Variants in NKD1 observed in about 807,000 individuals in gnomAD.
NKD1 encodes the protein protein naked cuticle homolog 1.
A neutral mutation model predicts 56.0 loss-of-function variants in NKD1; 21 were observed. The observed-to-expected ratio is 0.38, with a 90% CI of 0.27 to 0.54. The LOEUF is 0.54. Ranked by LOEUF, NKD1 falls within the 20% of genes least tolerant of loss-of-function variation. The pLI, the probability that NKD1 is intolerant of heterozygous loss-of-function variation, is 0.82. For synonymous variants in NKD1, 263 were observed against 265.7 expected (o/e 0.99, Z 0.10); for missense variants, 578 against 642.7 (o/e 0.90, Z 1.09).
chr16:50,640,459 G>A lies in NKD1; in HGVS notation c.*6678G>A, dbSNP rs947248752. ...TGGTGCCTAGGCAGAGGGGCAGTCA[G>A]CAGTGGTTATCAGGATCCTGGCTCT... On this transcript the variant is annotated 3_prime_UTR_variant, in exon 10 of 10. Coordinates refer to ENST00000268459, the MANE Select transcript of NKD1 (RefSeq NM_033119.5). 2.6e-5 allele frequency: 4 copies of A among 152,294 alleles called. No homozygotes were observed. Among genetic ancestry groups the A allele is most frequent in the African/African-American group, 9.6e-5 (4 of 41,468 alleles). 9.4% of individuals were successfully genotyped at this position (152,294 alleles called of 1,614,324 possible).
rs1961764281 is a variant in NKD1, at chr16:50,608,341, G to A, written c.240G>A (p.Glu80=). The A allele has an allele frequency of 6.2e-7, 1 of 1,613,124 alleles. No homozygotes were observed. The highest frequency in any genetic ancestry group is 8.5e-7 in the Non-Finnish European group (1 of 1,179,488). Reference sequence around the variant, plus strand: ...GAGACACGCTCAGCGAGGAAGAGGAGGACGACTTTCGGCTGGAAGGTATTC... The same window carrying A: ...GAGACACGCTCAGCGAGGAAGAGGAAGACGACTTTCGGCTGGAAGGTATTC... ...VLRDTLSEEE[E]DDFRLEVALP... Residue 80 remains glutamate (E), a synonymous_variant, in exon 4 of 10, where the codon GAG becomes GAA. Transcript: ENST00000268459.
chr16:50,565,325 T>C (rs1259213068), intron 3 of NKD1, among the ~76,000 whole-genome samples: 1 of 150,086 alleles, frequency 6.7e-6, no homozygotes, highest in Non-Finnish European at 1.5e-5. Flanking sequence ...TGAGCTGAGA[T>C]TGCACCACTG....
chr16:50,628,938 C>T (rs868279470), intron 6 of NKD1, among the ~76,000 whole-genome samples: 3 of 150,594 alleles, frequency 2.0e-5, no homozygotes, highest in Admixed American at 6.6e-5. Context: ...GTGGAGAGAC[C>T]TCTTCTAGTG....
chr16:50,621,494 C>T (rs555593741), intron 4 of NKD1, 108 bp from the exon 5 acceptor site: 3 of 723,132 alleles, frequency 4.1e-6, no homozygotes, highest in East Asian at 5.6e-5. Context: ...GGGCCCAGCC[C>T]CCTGGCGAGA....
Position 50,632,969 on chromosome 16 carries a change from C to T in NKD1, c.824-223C>T, listed in dbSNP as rs1193554023. Among the ~76,000 whole-genome samples the T allele has an allele frequency of 3.3e-5, 5 of 152,266 alleles. No individual in the cohort carries two copies. The South Asian group carries it at 6.2e-4, about 19-fold the overall frequency. On this transcript the variant is annotated intron_variant, in intron 9 of 9. Coordinates refer to ENST00000268459, the MANE Select transcript of NKD1 (RefSeq NM_033119.5). The surrounding 1 kb of genome is among the most constrained non-coding windows in gnomAD (Gnocchi z 4.1). The stretch of plus-strand genomic sequence containing the variant: ...CCATCTGTCTTTCTCGGCTCCCTCT[C>T]GGAGAGTATTTTTGAAGACCTACCA...
rs980326357 is a variant in NKD1 at position 50,617,379 on chromosome 16, C to T, written c.260-4223C>T. On this transcript the variant is annotated intron_variant, in intron 4 of 9. Coordinates refer to ENST00000268459, the MANE Select transcript of NKD1 (RefSeq NM_033119.5). ...AAAGTCTGTTCAGGCTTTTGGCTAA[C>T]ACAACAAACAGTGTTTAAAATTTAA... Among the ~76,000 whole-genome samples, 3 of 152,166 alleles carry T rather than the reference C, an allele frequency of 2.0e-5. No homozygotes were observed. The East Asian group carries it at 5.8e-4, about 29-fold the overall frequency.
rs372202499 is a variant in NKD1, at chr16:50,619,690, T to C, written c.260-1912T>C. On this transcript the variant is annotated intron_variant, in intron 4 of 9. Transcript: ENST00000268459. ...CACTGGGGGTCTTAGCCCCTTATGA[T>C]CAGAGTTTGTTGGATCCACATAAGA... Among the ~76,000 whole-genome samples, 6 of 152,198 alleles carry C rather than the reference T, an allele frequency of 3.9e-5. No individual in the cohort carries two copies. The South Asian group carries it at 1.2e-3, about 31-fold the overall frequency.
chr16:50,567,607 C>G (rs922874798), intron 3 of NKD1, among the ~76,000 whole-genome samples: 4 of 152,190 alleles, frequency 2.6e-5, no homozygotes, highest in Non-Finnish European at 5.9e-5. Context: ...TCCTCCTTGG[C>G]CAAGGACAGG....
chr16:50,574,317 A>C, intron 3 of NKD1: 4 of 985,384 alleles, frequency 4.1e-6, no homozygotes, highest in Non-Finnish European at 3.6e-6. Flanking sequence ...GGTGTGAGTC[A>C]GAACTGGGGG....
At chr16:50,599,938 C>G (rs1961557787) in intron 3 of NKD1, among the ~76,000 whole-genome samples, 1 of 152,002 alleles carries the variant, frequency 6.6e-6, no homozygotes, top group African/African-American at 2.4e-5. Context: ...ATTTTTTCTC[C>G]ATGCTCAGAA....
intron 3 of NKD1, chr16:50,566,003 A>G (rs902167265): frequency 1.8e-4 from 38 of 215,484 alleles, no homozygotes; most frequent in Non-Finnish European, 2.7e-4. Context: ...TGTGCCCCCG[A>G]CACACACTGC....
chr16:50,570,760 T>G (rs1960863970), intron 3 of NKD1: 1 of 961,388 alleles, frequency 1.0e-6, no homozygotes, highest in Non-Finnish European at 1.2e-6. Flanking sequence ...GGGGTAGGAC[T>G]TCCACTCCCA....
chr16:50,559,932 A>G (rs928869318), intron 3 of NKD1, among the ~76,000 whole-genome samples: 27 of 151,986 alleles, frequency 1.8e-4, no homozygotes, highest in African/African-American at 6.3e-4. Flanking sequence ...TGTTTTTCTA[A>G]CTTCAGAAGG....
At chr16:50,625,414 C>T in intron 5 of NKD1, 71 bp from the exon 6 acceptor site, 1 of 1,098,302 alleles carries the variant, frequency 9.1e-7, no homozygotes, top group Non-Finnish European at 1.4e-6. Flanking sequence ...GGCCTCTAGG[C>T]CCAGGCTTCC....
rs116681185 is a variant in NKD1, at chr16:50,626,765, C to T, written c.462+1185C>T. On this transcript the variant is annotated intron_variant, in intron 6 of 9. Transcript: ENST00000268459. ...TCCCTCTCTGATGACCTGTCCCTCC[C>T]CGAGAGGACCCCATCTTCAGGCACG... Among the ~76,000 whole-genome samples, 1,518 of 152,320 alleles carry T rather than the reference C, an allele frequency of 1.0e-2. 26 individuals carry two copies. The highest frequency in any genetic ancestry group is 0.035 in the African/African-American group (1,463 of 41,568).
intron 3 of NKD1, among the ~76,000 whole-genome samples, chr16:50,593,443 T>C (rs1961411043): frequency 6.6e-6 from 1 of 152,212 alleles, no homozygotes. Flanking sequence ...AGAATTTCTC[T>C]GTGAGGTGGT....
At chr16:50,619,103 C>A (rs1000689329) in intron 4 of NKD1, among the ~76,000 whole-genome samples, 10 of 152,210 alleles carry the variant, frequency 6.6e-5, no homozygotes, top group South Asian at 2.1e-4. Context: ...TTTCGACAAG[C>A]CTGGCCAGCT....
rs1208665020 is a variant in NKD1 at position 50,548,908 on chromosome 16, C to T, written c.58+159C>T. On this transcript the variant is annotated intron_variant, in intron 2 of 9. Coordinates refer to ENST00000268459, the MANE Select transcript of NKD1 (RefSeq NM_033119.5). ...CCCGCTCCCTGAGCAGCCTTCGCGC[C>T]CCCTCCTCTGTCCCTCCTACCCGCT... The T allele has an allele frequency of 3.2e-5, 27 of 856,420 alleles. No individual in the cohort carries two copies. In the Admixed American group the frequency reaches 1.6e-3, roughly 51 times the overall value. The allele number at this position is 856,420 out of a possible 1,614,324, so 53.1% of individuals were successfully genotyped here. A position where few individuals can be genotyped will look rare whatever the true frequency, so the allele number is the denominator to read the frequency against.
At chr16:50,563,741 C>G (rs1464260312) in intron 3 of NKD1, among the ~76,000 whole-genome samples, 1 of 142,612 alleles carries the variant, frequency 7.0e-6, no homozygotes, top group Non-Finnish European at 1.5e-5. Flanking sequence ...TGGAGAAGAC[C>G]CTGTGTGTCA....
Sources: allele counts gnomAD v4.1 joint callset (sites outside exome capture counted in the v4.1 genomes callset), GRCh38; gene constraint gnomAD v4.1.1; non-coding constraint Gnocchi (gnomAD v3.1); transcripts MANE v1.5; gene names NCBI Gene and HGNC (gene_info 2026-07-23, HGNC 2026-07-21).